The following PDE4D variants were observed in gnomAD, a reference collection of about 807,000 sequenced individuals.
PDE4D encodes phosphodiesterase 4D.
In PDE4D, 24 loss-of-function variants were observed where a neutral mutation model predicts 87.4. The ratio of observed to expected loss-of-function variants is 0.27; its 90% confidence interval spans 0.20 to 0.39. The LOEUF is 0.39. PDE4D is among the 10% of genes least tolerant of loss of function. The pLI, the probability that PDE4D is intolerant of heterozygous loss-of-function variation, is 1.00. For synonymous variants in PDE4D, 384 were observed against 383.2 expected (o/e 1.00, Z -0.02); for missense variants, 714 against 1,041.0 (o/e 0.69, Z 4.32).
chr5:59,014,485 C>CAT (rs1341952675), intron 6 of PDE4D, among the ~76,000 whole-genome samples: 2 of 152,216 alleles, frequency 1.3e-5, no homozygotes, highest in African/African-American at 4.8e-5. Context: ...AAATCACAAG[C>CAT]ATTCCTATAC....
chr5:58,993,228 G>C, intron 7 of PDE4D, 144 bp downstream of exon 7: 1 of 520,536 alleles, frequency 1.9e-6, no homozygotes, highest in East Asian at 3.3e-5. Flanking sequence ...GGATAGTGTC[G>C]AATTATTAAT....
intron 1 of PDE4D, among the ~76,000 whole-genome samples, chr5:59,387,076 C>A (rs1787222190): frequency 6.6e-6 from 1 of 152,112 alleles, no homozygotes; most frequent in Non-Finnish European, 1.5e-5. Context: ...TTTGTCCAAG[C>A]AATCTGCATA....
chr5:59,430,611 G>A, intron 1 of PDE4D: 2 of 379,488 alleles, frequency 5.3e-6, no homozygotes, highest in Middle Eastern at 6.9e-4. Context: ...TGTTCATTCT[G>A]TTCATGGATA....
In PDE4D at chr5:59,040,606, C is replaced by T. The variant is rs75820560; in HGVS notation, c.809-1635G>A. On this transcript the variant is annotated intron_variant, in intron 5 of 14. Transcript: ENST00000340635. ...AGGCTGACCCAGGGCACCAGGGACACTGTCCCTAAGCAGATCAGTTGTGGG... is the reference window on the plus strand; with the variant it reads ...AGGCTGACCCAGGGCACCAGGGACATTGTCCCTAAGCAGATCAGTTGTGGG... 5.1e-3 allele frequency among the ~76,000 whole-genome samples: 782 copies of T among 152,350 alleles called. 10 individuals are homozygous for T. The highest frequency in any genetic ancestry group is 0.018 in the African/African-American group (747 of 41,580).
rs188373495 is a variant in PDE4D at position 60,302,098 on chromosome 5, C to T, written c.-89-116411G>A. Among the ~76,000 whole-genome samples, 170 of 152,284 alleles carry T rather than the reference C, an allele frequency of 1.1e-3. 2 individuals are homozygous for T. The highest frequency in any genetic ancestry group is 0.011 in the Admixed American group (166 of 15,302). The stretch of plus-strand genomic sequence containing the variant: ...GTCAGTATTTTATTGAGGACTTTTG[C>T]ATCAATGATCATCAAGGATATTGGC... On this transcript the variant is annotated intron_variant, in intron 1 of 16. Transcript: ENST00000502484.
chr5:59,210,331 C>A (rs184857942), intron 2 of PDE4D, among the ~76,000 whole-genome samples: 27 of 152,218 alleles, frequency 1.8e-4, no homozygotes, highest in Non-Finnish European at 3.5e-4. Context: ...AAAGGGAATT[C>A]TTCTTCCTTT....
chr5:59,817,127 T>C (rs1769060781), intron 1 of PDE4D, among the ~76,000 whole-genome samples: 1 of 152,190 alleles, frequency 6.6e-6, no homozygotes, highest in Non-Finnish European at 1.5e-5. Flanking sequence ...CTCCAGAGGA[T>C]GATAGGCAGG....
intron 5 of PDE4D, among the ~76,000 whole-genome samples, chr5:59,051,004 T>C (rs1239856518): frequency 2.0e-5 from 3 of 152,240 alleles, no homozygotes; most frequent in Admixed American, 6.5e-5. Flanking sequence ...CAGTTACTAT[T>C]TTTCCATCAT....
intron 1 of PDE4D, among the ~76,000 whole-genome samples, chr5:59,457,278 A>T (rs1229856905): frequency 6.6e-6 from 1 of 152,210 alleles, no homozygotes; most frequent in East Asian, 1.9e-4. Context: ...TCAAGGCAAG[A>T]CTTCCCACCA....
intron 1 of PDE4D, among the ~76,000 whole-genome samples, chr5:59,224,516 C>T (rs1028049041): frequency 6.6e-6 from 1 of 152,088 alleles, no homozygotes. Flanking sequence ...ATAAGCTGGA[C>T]TTGCTTAGCA....
rs1223091433 is a variant in PDE4D at position 59,053,661 on chromosome 5, G to GTT, written c.809-14692_809-14691dup. Among the ~76,000 whole-genome samples the GTT allele has an allele frequency of 2.0e-4, 18 of 89,840 alleles. 1 individual carries two copies. The East Asian group carries it at 3.7e-3, about 18-fold the overall frequency. 58.9% of individuals were successfully genotyped at this position (89,840 alleles called of 152,430 possible). ...TTGTTTTTTGTTTTTTTTTGTTGTT[G>GTT]TTTTTTTTTTTTGGCCAGGCACGGT... is the stretch of plus-strand genomic sequence containing the variant. On this transcript the variant is annotated intron_variant, in intron 5 of 14. Transcript: ENST00000340635.
intron 5 of PDE4D, among the ~76,000 whole-genome samples, chr5:59,177,210 G>T (rs1183652428): frequency 6.6e-6 from 1 of 152,140 alleles, no homozygotes; most frequent in Non-Finnish European, 1.5e-5. Flanking sequence ...TTTACAAAGG[G>T]CACTGATGCA....
intron 1 of PDE4D, among the ~76,000 whole-genome samples, chr5:59,568,952 T>C (rs2153694778): frequency 6.6e-6 from 1 of 152,258 alleles, no homozygotes; most frequent in East Asian, 1.9e-4. Flanking sequence ...ATCATACTCA[T>C]ATAAGACTTT....
chr5:59,738,442 G>T (rs930825098), intron 1 of PDE4D, among the ~76,000 whole-genome samples: 1 of 151,972 alleles, frequency 6.6e-6, no homozygotes, highest in Non-Finnish European at 1.5e-5. Context: ...GCAATCATGG[G>T]GGGGAAGGCA....
chr5:59,841,660 C>G (rs1272167575), intron 1 of PDE4D, among the ~76,000 whole-genome samples: 2 of 151,922 alleles, frequency 1.3e-5, no homozygotes, highest in Non-Finnish European at 2.9e-5. Flanking sequence ...GAGATGAGGG[C>G]TATGACAGAG....
intron 1 of PDE4D, among the ~76,000 whole-genome samples, chr5:59,593,744 T>C (rs934407046): frequency 2.0e-4 from 30 of 152,110 alleles, no homozygotes; most frequent in African/African-American, 4.6e-4. Flanking sequence ...TCAACTATAA[T>C]TGACAAATCG....
intron 1 of PDE4D, among the ~76,000 whole-genome samples, chr5:60,474,346 A>C (rs1004707896): frequency 1.3e-5 from 2 of 151,536 alleles, no homozygotes; most frequent in African/African-American, 4.8e-5. Context: ...TTATAAGGGC[A>C]CTAATTCATT....
At chr5:59,473,083 GAAAAAAAAAA>G (rs10573988) in intron 1 of PDE4D, among the ~76,000 whole-genome samples, 1 of 92,118 alleles carries the variant, frequency 1.1e-5, no homozygotes, top group Non-Finnish European at 2.3e-5. Context: ...GCTTTCTCAT[GAAAAAAAAAA>G]AAAAAAAAAA....
chr5:59,849,037 G>A (rs191488482), intron 1 of PDE4D, among the ~76,000 whole-genome samples: 5 of 152,112 alleles, frequency 3.3e-5, no homozygotes, highest in African/African-American at 1.2e-4. Flanking sequence ...TGAGGAGGAA[G>A]TGTTTTCTAG....
Sources: gnomAD v4.1 joint callset for allele counts (sites outside exome capture counted in the v4.1 genomes callset) on GRCh38, gnomAD v4.1.1 for gene constraint, MANE v1.5 for transcripts, NCBI Gene and HGNC (gene_info 2026-07-23, HGNC 2026-07-21) for gene names.